Variants in PLEKHG5 observed in about 807,000 individuals in gnomAD.
PLEKHG5 encodes pleckstrin homology domain-containing family G member 5.
Under a neutral mutation model 103.8 loss-of-function variants are expected in PLEKHG5, and 52 were observed. That is an observed-to-expected ratio of 0.50 (90% CI 0.40 to 0.63). The LOEUF (loss-of-function observed/expected upper bound fraction) is 0.63. Ranked by LOEUF, PLEKHG5 falls within the 30% of genes least tolerant of loss-of-function variation. The probability of loss-of-function intolerance (pLI) is 0.00; values close to 1 mark genes in which losing one functional copy is unlikely to be tolerated. For missense variants in PLEKHG5, 1,205 were observed against 1,347.6 expected (o/e 0.89, Z 1.66); for synonymous variants, 592 against 575.5 (o/e 1.03, Z -0.41).
At chr1:6,507,710 C>T (rs1185782477) in intron 1 of PLEKHG5, among the ~76,000 whole-genome samples, 1 of 152,238 alleles carries the variant, frequency 6.6e-6, no homozygotes, top group African/African-American at 2.4e-5. Context: ...CAGCTGAGGG[C>T]TAAGGTGCCA....
At chr1:6,477,851 C>T (rs545489386) in intron 1 of PLEKHG5, among the ~76,000 whole-genome samples, 193 bp from the exon 2 acceptor site, 2 of 151,326 alleles carry the variant, frequency 1.3e-5, no homozygotes, top group East Asian at 1.9e-4. Context: ...CCCACTGCCA[C>T]ACCAACACGT....
intron 5 of PLEKHG5, 190 bp downstream of exon 5, chr1:6,474,857 A>C: frequency 1.4e-6 from 1 of 694,566 alleles, no homozygotes. Flanking sequence ...AAAATGCACA[A>C]GTACACAGAC....
At chr1:6,471,190 T>A in intron 12 of PLEKHG5, 90 bp from the exon 13 acceptor site, 1 of 1,072,436 alleles carries the variant, frequency 9.3e-7, no homozygotes. Context: ...GCTTCCTTAC[T>A]GCACTTGGGC....
intron 1 of PLEKHG5, among the ~76,000 whole-genome samples, chr1:6,484,965 G>A (rs994611795): frequency 6.6e-6 from 1 of 152,226 alleles, no homozygotes; most frequent in Non-Finnish European, 1.5e-5. Flanking sequence ...AGAAACAGAG[G>A]CCTCTGGGGT....
At chr1:6,515,234 A>C (rs1638581717) in intron 1 of PLEKHG5, among the ~76,000 whole-genome samples, 1 of 151,946 alleles carries the variant, frequency 6.6e-6, no homozygotes, top group African/African-American at 2.4e-5. Context: ...GACAACTAAA[A>C]AAGCTGGATG....
At chr1:6,478,784 C>T (rs986065478) in intron 1 of PLEKHG5, among the ~76,000 whole-genome samples, 5 of 152,098 alleles carry the variant, frequency 3.3e-5, no homozygotes, top group East Asian at 1.9e-4. Context: ...GCTGAGATTA[C>T]AGGCACAATC....
At chr1:6,510,217 C>T (rs992732191) in intron 1 of PLEKHG5, among the ~76,000 whole-genome samples, 1 of 152,224 alleles carries the variant, frequency 6.6e-6, no homozygotes, top group Non-Finnish European at 1.5e-5. Flanking sequence ...TAGCCACTCC[C>T]CCTGCCCTCT....
intron 12 of PLEKHG5, 87 bp downstream of exon 12, chr1:6,471,401 G>T: frequency 7.0e-7 from 1 of 1,436,298 alleles, no homozygotes; most frequent in Non-Finnish European, 9.4e-7. Context: ...GGTTGGGGAT[G>T]CTGGGCAGAC....
chr1:6,516,945 T>C (rs1032672343), intron 1 of PLEKHG5, among the ~76,000 whole-genome samples: 4 of 147,852 alleles, frequency 2.7e-5, no homozygotes, highest in Middle Eastern at 3.6e-3. Flanking sequence ...TTTGTTCTGC[T>C]TATAAAAGTA....
chr1:6,506,778 G>A (rs1355200402), intron 1 of PLEKHG5, among the ~76,000 whole-genome samples: 1 of 152,144 alleles, frequency 6.6e-6, no homozygotes, highest in East Asian at 1.9e-4. Flanking sequence ...AGGAGCTGTG[G>A]GCCAGGCCTC....
Position 6,487,655 on chromosome 1 carries a change from G to A in PLEKHG5, c.-88+3982C>T, listed in dbSNP as rs373734301. Among the ~76,000 whole-genome samples the A allele has an allele frequency of 4.6e-5, 7 of 152,036 alleles. No homozygotes were observed. The highest frequency in any genetic ancestry group is 1.2e-4 in the African/African-American group (5 of 41,380). On this transcript the variant is annotated intron_variant, in intron 1 of 20. Transcript: ENST00000377728. This position sits in a 1 kb window ranked among gnomAD's most constrained non-coding sequence, Gnocchi z 4.1. ...CCAACTTAAATGTTACCTCTAAGAC[G>A]TCCTTTTCCCTCATCTTAAAATAAA...
intron 1 of PLEKHG5, among the ~76,000 whole-genome samples, chr1:6,502,885 A>C (rs949701715): frequency 2.6e-5 from 4 of 152,144 alleles, no homozygotes; most frequent in Non-Finnish European, 5.9e-5. Flanking sequence ...GCTGTGACCC[A>C]GCCGCTGTGT....
rs1645063098 is a variant in PLEKHG5 at position 6,487,449 on chromosome 1, A to G, written c.-88+4188T>C. ...AGAGTTTTGAAAACTAAAACTTCCC[A>G]TCTTGCTTATAGTGAAATCCCACCA... On this transcript the variant is annotated intron_variant, in intron 1 of 20. Transcript: ENST00000377728. This position sits in a 1 kb window ranked among gnomAD's most constrained non-coding sequence, Gnocchi z 4.1. Among the ~76,000 whole-genome samples the G allele has an allele frequency of 6.6e-6, 1 of 152,176 alleles. No homozygotes were observed. The highest frequency in any genetic ancestry group is 6.5e-5 in the Admixed American group (1 of 15,276).
At position 6,487,829 on chromosome 1, in the gene PLEKHG5, G is replaced by A. The variant is rs746915276; in HGVS notation, c.-88+3808C>T. Among the ~76,000 whole-genome samples, 3 of 152,118 alleles carry A rather than the reference G, an allele frequency of 2.0e-5. No homozygotes were observed. The highest frequency in any genetic ancestry group is 2.9e-5 in the Non-Finnish European group (2 of 68,028). Reference sequence around the variant, plus strand: ...CTCTCCAGAAGCCAGCGCCTTGGCCGTCTGCATCTCACTGTGTCCTCGGCA... The same window carrying A: ...CTCTCCAGAAGCCAGCGCCTTGGCCATCTGCATCTCACTGTGTCCTCGGCA... On this transcript the variant is annotated intron_variant, in intron 1 of 20. Transcript: ENST00000377728. The surrounding 1 kb of genome is among the most constrained non-coding windows in gnomAD (Gnocchi z 4.1).
chr1:6,473,311 C>G lies in PLEKHG5; in HGVS notation c.735G>C (p.Arg245=). 1 of 1,575,502 alleles carries G rather than the reference C, an allele frequency of 6.3e-7. No individual in the cohort carries two copies. The highest frequency in any genetic ancestry group is 1.9e-5 in the Admixed American group (1 of 53,994). ...AAAAGCCGCTGAAGCGACTGGCCGCCCGGTTCTTCCAGCTGTCGCCAGTGT... is the reference window on the plus strand; with the variant it reads ...AAAAGCCGCTGAAGCGACTGGCCGCGCGGTTCTTCCAGCTGTCGCCAGTGT... ...STNTGDSWKN[R]AASRFSGFFS... is the part of the protein sequence containing the mutation. The change falls in exon 8 of 21, where the codon CGG becomes CGC. Residue 245 remains arginine, a synonymous_variant. Coordinates refer to ENST00000377728, the MANE Select transcript of PLEKHG5 (RefSeq NM_020631.6).
chr1:6,494,544 A>C (rs1201808005), upstream of PLEKHG5, among the ~76,000 whole-genome samples: 2 of 152,210 alleles, frequency 1.3e-5, no homozygotes, highest in Middle Eastern at 3.4e-3. Flanking sequence ...GATCGCAGGT[A>C]TGAGCAACCA....
At chr1:6,500,775 C>A (rs377716646), upstream of PLEKHG5, among the ~76,000 whole-genome samples, 2 of 152,136 alleles carry the variant, frequency 1.3e-5, no homozygotes, top group African/African-American at 4.8e-5. Flanking sequence ...CACTGCATGC[C>A]AGACACTGCC....
intron 1 of PLEKHG5, among the ~76,000 whole-genome samples, chr1:6,508,520 A>G (rs1232781298): frequency 6.6e-6 from 1 of 152,060 alleles, no homozygotes; most frequent in Non-Finnish European, 1.5e-5. Flanking sequence ...GCGGACCCCC[A>G]CAGTGCTCGA....
At chr1:6,497,475 C>CGGGGGCG (rs1370290718), upstream of PLEKHG5, 2 of 153,070 alleles carry the variant, frequency 1.3e-5, no homozygotes, top group South Asian at 2.2e-4. The surrounding 1 kb of genome is among the most constrained non-coding windows in gnomAD (Gnocchi z 6.1). Flanking sequence ...GGCCCCGCCT[C>CGGGGGCG]GGGGGCGGGG....
Sources: gnomAD v4.1 joint callset for allele counts (sites outside exome capture counted in the v4.1 genomes callset) on GRCh38, gnomAD v4.1.1 for gene constraint, Gnocchi (gnomAD v3.1) non-coding constraint, MANE v1.5 for transcripts, NCBI Gene and HGNC (gene_info 2026-07-23, HGNC 2026-07-21) for gene names.